The following PMM1 variants were observed in gnomAD, a reference collection of about 807,000 sequenced individuals.
PMM1 encodes brain glucose-1,6-bisphosphatase.
PMM1 carries 25 observed loss-of-function variants against 34.0 expected under a neutral mutation model. That is an observed-to-expected ratio of 0.73 (90% CI 0.54 to 1.03). The LOEUF is 1.03. Among genes scored for constraint, PMM1 ranks in the 50% least tolerant of loss-of-function variants. PMM1 has a pLI of 0.00. For missense variants in PMM1, 321 were observed against 350.1 expected (o/e 0.92, Z 0.66); for synonymous variants, 134 against 143.9 (o/e 0.93, Z 0.49).
At chr22:41,583,277 C>G (rs1362381314) in intron 5 of PMM1, among the ~76,000 whole-genome samples, 1 of 152,054 alleles carries the variant, frequency 6.6e-6, no homozygotes. Flanking sequence ...GTCAGGAGTT[C>G]GAGACCAGCC....
At chr22:41,578,963 G>T in intron 5 of PMM1, 82 bp from the exon 6 acceptor site, 1 of 1,207,644 alleles carries the variant, frequency 8.3e-7, no homozygotes, top group Non-Finnish European at 1.2e-6. Context: ...CCACGTGAGC[G>T]TGCTGAGCAT....
At chr22:41,582,068 C>T (rs1280178879) in intron 5 of PMM1, among the ~76,000 whole-genome samples, 3 of 147,460 alleles carry the variant, frequency 2.0e-5, no homozygotes, top group South Asian at 2.1e-4. Flanking sequence ...TGTTTGAACC[C>T]GGGAGGTGGA....
At position 41,577,185 on chromosome 22, in the gene PMM1, G is replaced by A; in HGVS notation, c.*133C>T. The A allele has an allele frequency of 8.3e-7, 1 of 1,201,816 alleles. No homozygotes were observed. Among genetic ancestry groups the A allele is most frequent in the East Asian group, 2.3e-5 (1 of 42,956 alleles). 74.4% of individuals were successfully genotyped at this position (1,201,816 alleles called of 1,614,324 possible). On this transcript the variant is annotated 3_prime_UTR_variant, in exon 8 of 8. Coordinates refer to ENST00000216259, the MANE Select transcript of PMM1 (RefSeq NM_002676.3). ...GGGACGGTTGTCCACACAGACTCTG[G>A]CCCCATCTGGGTGGGCTTGCAGCAG... is the stretch of plus-strand genomic sequence containing the variant.
Position 41,584,334 on chromosome 22 carries a change from G to A in PMM1, c.321C>T (p.Asp107=). Residue 107 remains aspartate, a synonymous_variant, in exon 4 of 8, where the codon GAC becomes GAT. Transcript: ENST00000216259. ...QNHLGEELLQ[D]LINFCLSYMA... ...TGTAGCTGAGGCAGAAGTTGATCAA[G>A]TCCTGCAGCAGCTCCTCCCCCAGGT... 6.2e-7 allele frequency: 1 copy of A among 1,614,154 alleles called. No individual in the cohort carries two copies. The highest frequency in any genetic ancestry group is 8.5e-7 in the Non-Finnish European group (1 of 1,180,012).
At chr22:41,586,321 T>C (rs1454831565) in intron 1 of PMM1, 128 bp from the exon 2 acceptor site, 8 of 1,509,334 alleles carry the variant, frequency 5.3e-6, no homozygotes, top group Non-Finnish European at 7.0e-6. Context: ...GTACAAAGCT[T>C]AGACACCAAA....
intron 1 of PMM1, chr22:41,588,994 G>C (rs1198058424): frequency 8.5e-7 from 1 of 1,174,382 alleles, no homozygotes; most frequent in Non-Finnish European, 1.1e-6. Context: ...GAGAAAAACT[G>C]AGCAGAGGTA....
rs376803474 is a variant in PMM1 at position 41,577,315 on chromosome 22, C to G, written c.*3G>C. ...AGTCACGACACACAGATGTGGGCCC[C>G]GGTCACGCCTCATGAGCTGTCTCTG... On this transcript the variant is annotated 3_prime_UTR_variant, in exon 8 of 8. Transcript: ENST00000216259. 1.2e-6 allele frequency: 2 copies of G among 1,612,748 alleles called. No homozygotes were observed. The highest frequency in any genetic ancestry group is 1.7e-5 in the Admixed American group (1 of 60,006).
intron 5 of PMM1, among the ~76,000 whole-genome samples, chr22:41,582,447 G>A (rs2067257757): frequency 6.6e-6 from 1 of 152,200 alleles, no homozygotes; most frequent in Non-Finnish European, 1.5e-5. Flanking sequence ...CTGGGCAACA[G>A]AGTAAGACCC....
chr22:41,581,132 A>C (rs894389037), intron 5 of PMM1, among the ~76,000 whole-genome samples: 4 of 150,352 alleles, frequency 2.7e-5, no homozygotes, highest in Non-Finnish European at 5.9e-5. Context: ...AAAAAAAAAA[A>C]AAACCCAAAA....
At chr22:41,586,343 T>C (rs533230771) in intron 1 of PMM1, 150 bp from the exon 2 acceptor site, 221 of 1,429,086 alleles carry the variant, frequency 1.5e-4, no homozygotes, top group East Asian at 1.9e-4. Flanking sequence ...ATTAGACAGG[T>C]TGGACACTGT....
rs185784989 is a variant in PMM1, at chr22:41,577,370, G to A, written c.737C>T (p.Thr246Met). ...VGHSVVSPQD[T>M]VQRCREIFFP... ...GAAAATCTCCCGGCATCGCTGCACC[G>A]TGTCCTGAGGAGACACCACGCTGTG... is the stretch of plus-strand genomic sequence containing the variant. The change falls in exon 8 of 8, where the codon ACG (threonine) becomes ATG (methionine). Residue 246 changes from threonine (T) to methionine (M), a missense_variant. By Grantham distance (81) the Thr-to-Met change is moderately conservative. Coordinates refer to ENST00000216259, the MANE Select transcript of PMM1 (RefSeq NM_002676.3). 124 of 1,612,914 alleles carry A rather than the reference G, an allele frequency of 7.7e-5. No homozygotes were observed. The East Asian group carries it at 1.4e-3, about 19-fold the overall frequency.
chr22:41,589,484 T>G (rs2067355222), intron 1 of PMM1: 1 of 589,296 alleles, frequency 1.7e-6, no homozygotes, highest in South Asian at 2.0e-5. Flanking sequence ...CAGTACTGGA[T>G]CCAACCCCAG....
rs1340595478 is a variant in PMM1 at position 41,586,066 on chromosome 22, T to A, written c.205+10A>T. On this transcript the variant is annotated intron_variant, in intron 2 of 7. Transcript: ENST00000216259. ...CTCCCCACTCCCTCTACCCCCAGCC[T>A]CACTCCTACCTTCATCCCCGTCACC... 3 of 1,594,256 alleles carry A rather than the reference T, an allele frequency of 1.9e-6. No homozygotes were observed. Among genetic ancestry groups the A allele is most frequent in the Non-Finnish European group, 2.6e-6 (3 of 1,169,658 alleles).
intron 5 of PMM1, among the ~76,000 whole-genome samples, chr22:41,582,279 G>A (rs1474695978): frequency 6.6e-6 from 1 of 152,084 alleles, no homozygotes; most frequent in Non-Finnish European, 1.5e-5. Flanking sequence ...GAGACACAGC[G>A]AGATCCCATC....
At position 41,584,883 on chromosome 22, in the gene PMM1, A is replaced by G; in HGVS notation, c.206-280T>C. 7.5e-6 allele frequency: 3 copies of G among 399,730 alleles called. No homozygotes were observed. The South Asian group carries it at 1.2e-4, about 17-fold the overall frequency. 24.8% of individuals were successfully genotyped at this position (399,730 alleles called of 1,614,324 possible). On this transcript the variant is annotated intron_variant, in intron 2 of 7. Transcript: ENST00000216259. ...CTGGCTTCCCTGCCACTCATCCTCCAAGATTCAGCTTCCTCCTCTGGAAGC... is the reference window on the plus strand; with the variant it reads ...CTGGCTTCCCTGCCACTCATCCTCCGAGATTCAGCTTCCTCCTCTGGAAGC...
chr22:41,580,923 T>C (rs1218859759), intron 5 of PMM1, among the ~76,000 whole-genome samples: 1 of 152,100 alleles, frequency 6.6e-6, no homozygotes, highest in East Asian at 1.9e-4. Context: ...GAGACCATCC[T>C]AGCCAGCATG....
At chr22:41,584,687 C>A in intron 2 of PMM1, 84 bp from the exon 3 acceptor site, 1 of 974,548 alleles carries the variant, frequency 1.0e-6, no homozygotes, top group Non-Finnish European at 1.6e-6. Flanking sequence ...AGAGAGGAAG[C>A]CTACACCCTT....
chr22:41,586,389 A>C lies in PMM1; in HGVS notation c.88-196T>G, dbSNP rs2067307958. ...TGCAATCCCAACACTTTGCGAGGCCAAGGCAGAAAGATCACTTGACCCAGG... is the reference window on the plus strand; with the variant it reads ...TGCAATCCCAACACTTTGCGAGGCCCAGGCAGAAAGATCACTTGACCCAGG... On this transcript the variant is annotated intron_variant, in intron 1 of 7. Coordinates refer to ENST00000216259, the MANE Select transcript of PMM1 (RefSeq NM_002676.3). 5.5e-6 allele frequency: 5 copies of C among 905,070 alleles called. No individual in the cohort carries two copies. The South Asian group carries it at 9.0e-5, about 16-fold the overall frequency. 56.1% of individuals were successfully genotyped at this position (905,070 alleles called of 1,614,324 possible). A position where few individuals can be genotyped will look rare whatever the true frequency, so the allele number is the denominator to read the frequency against.
chr22:41,577,413 C>T lies in PMM1; in HGVS notation c.694G>A (p.Asp232Asn), dbSNP rs763092285. ...PGGNDFEIFA[D>N]PRTVGHSVVS... Reference sequence around the variant, plus strand: ...ACGCTGTGGCCAACAGTCCGGGGGTCGGCAAAGATCTCAAAGTCGTTCCCA... The same window carrying T: ...ACGCTGTGGCCAACAGTCCGGGGGTTGGCAAAGATCTCAAAGTCGTTCCCA... Residue 232 changes from aspartate to asparagine, a missense_variant, in exon 8 of 8, where the codon GAC (aspartate) becomes AAC (asparagine). Transcript: ENST00000216259. 132 of 1,612,142 alleles carry T rather than the reference C, an allele frequency of 8.2e-5. 1 individual carries two copies. The highest frequency in any genetic ancestry group is 2.2e-5 in the East Asian group (1 of 44,894).
Sources: allele counts gnomAD v4.1 joint callset (sites outside exome capture counted in the v4.1 genomes callset), GRCh38; gene constraint gnomAD v4.1.1; transcripts MANE v1.5; gene names NCBI Gene and HGNC (gene_info 2026-07-23, HGNC 2026-07-21).